MAP3K20: variants seen among roughly 807,000 people sequenced by gnomAD.
MAP3K20 encodes the protein mitogen-activated protein kinase kinase kinase 20.
A neutral mutation model predicts 85.7 loss-of-function variants in MAP3K20; 40 were observed. The observed-to-expected ratio is 0.47, with a 90% CI of 0.36 to 0.61. The LOEUF (loss-of-function observed/expected upper bound fraction) is 0.61. Ranked by LOEUF, MAP3K20 falls within the 20% of genes least tolerant of loss-of-function variation. The pLI is 0.00. For missense variants in MAP3K20, 817 were observed against 961.7 expected (o/e 0.85, Z 1.99); for synonymous variants, 325 against 327.7 (o/e 0.99, Z 0.09).
chr2:173,205,810 T>C (rs1344577183), intron 9 of MAP3K20, among the ~76,000 whole-genome samples: 1 of 152,208 alleles, frequency 6.6e-6, no homozygotes, highest in Non-Finnish European at 1.5e-5. Context: ...TTTATTAGTA[T>C]TTGATGACAC....
At chr2:173,144,600 A>G (rs1689084688) in intron 2 of MAP3K20, among the ~76,000 whole-genome samples, 1 of 151,950 alleles carries the variant, frequency 6.6e-6, no homozygotes. Flanking sequence ...GGGGAGGCTG[A>G]GGTGGGAAGA....
In MAP3K20 at chr2:173,154,712, C is replaced by T. The variant is rs530648534; in HGVS notation, c.160-15093C>T. On this transcript the variant is annotated intron_variant, in intron 2 of 19. Coordinates refer to ENST00000375213, the MANE Select transcript of MAP3K20 (RefSeq NM_016653.3). ...GCACTCTGCCATCCTTGTTTTAATT[C>T]GTATCAATATATAAAATAATGTAGA... 7.2e-5 allele frequency among the ~76,000 whole-genome samples: 11 copies of T among 152,052 alleles called. No individual in the cohort carries two copies. In the East Asian group the frequency reaches 1.2e-3, roughly 16 times the overall value.
chr2:173,086,613 A>C (rs1268045975), intron 1 of MAP3K20, among the ~76,000 whole-genome samples: 1 of 152,208 alleles, frequency 6.6e-6, no homozygotes, highest in Non-Finnish European at 1.5e-5. Flanking sequence ...GTATCACAAA[A>C]TAGCAGTGAT....
Position 173,167,213 on chromosome 2 carries a change from C to G in MAP3K20, c.160-2592C>G, listed in dbSNP as rs1689859012. On this transcript the variant is annotated intron_variant, in intron 2 of 19. Coordinates refer to ENST00000375213, the MANE Select transcript of MAP3K20 (RefSeq NM_016653.3). ...TACAGGCGTGAGCCACTGCGCCCGG[C>G]CAACAGTTTTTTTTTTAATGAGCTC... is the stretch of plus-strand genomic sequence containing the variant. 2.0e-5 allele frequency among the ~76,000 whole-genome samples: 3 copies of G among 151,834 alleles called. No homozygotes were observed. In the South Asian group the frequency reaches 6.2e-4, roughly 31 times the overall value.
At chr2:173,098,153 T>C (rs550206835) in intron 2 of MAP3K20, among the ~76,000 whole-genome samples, 3 of 152,228 alleles carry the variant, frequency 2.0e-5, no homozygotes, top group Non-Finnish European at 4.4e-5. Context: ...CAAATAAAAA[T>C]TAATTATCTT....
At chr2:173,212,647 A>T (rs1683942278) in intron 10 of MAP3K20, 1 of 152,118 alleles carries the variant, frequency 6.6e-6, no homozygotes, top group Non-Finnish European at 1.5e-5. Flanking sequence ...TTTAAAAATT[A>T]GCTGGGCATT....
At chr2:173,139,921 T>C (rs1490055152) in intron 2 of MAP3K20, among the ~76,000 whole-genome samples, 1 of 152,146 alleles carries the variant, frequency 6.6e-6, no homozygotes, top group Non-Finnish European at 1.5e-5. Context: ...AAAAAAGTAA[T>C]ACATGTTCAG....
intron 4 of MAP3K20, among the ~76,000 whole-genome samples, chr2:173,183,246 T>C (rs1457687488): frequency 1.3e-5 from 2 of 152,202 alleles, no homozygotes; most frequent in African/African-American, 2.4e-5. Flanking sequence ...TATAATTGAC[T>C]AGCTTGCTTG....
chr2:173,156,567 A>T (rs544270023), intron 2 of MAP3K20, among the ~76,000 whole-genome samples: 1 of 152,284 alleles, frequency 6.6e-6, no homozygotes, highest in South Asian at 2.1e-4. Context: ...ATCATCAGGC[A>T]TTAGATTCTC....
intron 8 of MAP3K20, among the ~76,000 whole-genome samples, chr2:173,202,117 A>G (rs1482418980): frequency 6.6e-6 from 1 of 152,114 alleles, no homozygotes; most frequent in African/African-American, 2.4e-5. Flanking sequence ...GCCCCCAACC[A>G]TTTTATATTT....
At chr2:173,261,267 C>A in intron 18 of MAP3K20, 130 bp downstream of exon 18, 2 of 822,056 alleles carry the variant, frequency 2.4e-6, no homozygotes, top group Non-Finnish European at 1.9e-6. Flanking sequence ...AGTAAACCAA[C>A]CAACATGAAC....
chr2:173,108,122 C>G (rs1242475399), intron 2 of MAP3K20, among the ~76,000 whole-genome samples: 1 of 148,844 alleles, frequency 6.7e-6, no homozygotes, highest in Non-Finnish European at 1.5e-5. Flanking sequence ...GTGTTATAAA[C>G]TGGGATTTTT....
chr2:173,143,636 T>C (rs1027127758), intron 2 of MAP3K20, among the ~76,000 whole-genome samples: 2 of 152,256 alleles, frequency 1.3e-5, no homozygotes, highest in African/African-American at 4.8e-5. Flanking sequence ...TCTGCTCTCA[T>C]GATTTCTGTT....
chr2:173,239,702 A>G (rs1157426565), intron 16 of MAP3K20, among the ~76,000 whole-genome samples: 1 of 152,216 alleles, frequency 6.6e-6, no homozygotes, highest in African/African-American at 2.4e-5. Flanking sequence ...AGTCAGCTGA[A>G]GACGCCCATG....
intron 2 of MAP3K20, among the ~76,000 whole-genome samples, chr2:173,159,034 A>C (rs1010406722): frequency 6.6e-6 from 1 of 152,238 alleles, no homozygotes; most frequent in Non-Finnish European, 1.5e-5. Context: ...AATTTTGTGC[A>C]ATCAAGTCAT....
Position 173,225,874 on chromosome 2 carries a change from G to A in MAP3K20, c.988-3815G>A. On this transcript the variant is annotated intron_variant, in intron 11 of 19. Coordinates refer to ENST00000375213, the MANE Select transcript of MAP3K20 (RefSeq NM_016653.3). ...TGATGAAACAGCCAAATGCACCAGG[G>A]CAGGTCACTTTCCCATTACACTGAT... 9 of 983,782 alleles carry A rather than the reference G, an allele frequency of 9.1e-6. No homozygotes were observed. The South Asian group carries it at 2.8e-4, about 31-fold the overall frequency. 60.9% of individuals were successfully genotyped at this position (983,782 alleles called of 1,614,324 possible).
chr2:173,194,197 C>G (rs927005814), intron 7 of MAP3K20, among the ~76,000 whole-genome samples: 1 of 152,138 alleles, frequency 6.6e-6, no homozygotes, highest in African/African-American at 2.4e-5. Context: ...GAATTCCATT[C>G]AGAAAAGTGT....
At chr2:173,083,967 A>T (rs1018392266) in intron 1 of MAP3K20, among the ~76,000 whole-genome samples, 55 of 152,230 alleles carry the variant, frequency 3.6e-4, no homozygotes, top group Admixed American at 7.2e-4. Flanking sequence ...TGAATTAGGG[A>T]CAGGAAAAGA....
chr2:173,177,618 TGGG>T lies in MAP3K20; in HGVS notation c.248-5234_248-5232del, dbSNP rs144020112. 8.7e-4 allele frequency among the ~76,000 whole-genome samples: 132 copies of T among 152,050 alleles called. 1 individual carries two copies. Among genetic ancestry groups the T allele is most frequent in the Middle Eastern group, 3.4e-3 (1 of 294 alleles). Reference sequence around the variant, plus strand: ...TAATTTTTTGTATTTTTAGTAAAGATGGGGTTTCACCATGTTGGCCAGGCTGGT... The same window carrying T: ...TAATTTTTTGTATTTTTAGTAAAGATGTTTCACCATGTTGGCCAGGCTGGT... On this transcript the variant is annotated intron_variant, in intron 3 of 19. Transcript: ENST00000375213.
Sources: gnomAD v4.1 joint callset for allele counts (sites outside exome capture counted in the v4.1 genomes callset) on GRCh38, gnomAD v4.1.1 for gene constraint, MANE v1.5 for transcripts, NCBI Gene and HGNC (gene_info 2026-07-23, HGNC 2026-07-21) for gene names.